ZNF273: variants seen among roughly 807,000 people sequenced by gnomAD.
ZNF273 encodes zinc finger protein 9.
In ZNF273, 11 loss-of-function variants were observed where a neutral mutation model predicts 14.9. The observed-to-expected ratio is 0.74, with a 90% CI of 0.46 to 1.22. The LOEUF is 1.22. ZNF273 is among the 50% of genes most tolerant of loss of function. The pLI is 0.00. For missense variants in ZNF273, 577 were observed against 660.6 expected (o/e 0.87, Z 1.39); for synonymous variants, 199 against 223.9 (o/e 0.89, Z 0.99).
intron 1 of ZNF273, among the ~76,000 whole-genome samples, chr7:64,910,487 G>A (rs1562958172): frequency 6.6e-6 from 1 of 152,062 alleles, no homozygotes; most frequent in South Asian, 2.1e-4. Flanking sequence ...TAGGTGTGTG[G>A]CATTATTTCT....
intron 1 of ZNF273, 66 bp from the exon 2 acceptor site, chr7:64,917,515 A>T (rs553808098): frequency 1.9e-6 from 3 of 1,556,508 alleles, no homozygotes; most frequent in Non-Finnish European, 1.7e-6. Flanking sequence ...TTCCACCTTG[A>T]GTCAAATTAA....
rs1294198253 is a variant in ZNF273, at chr7:64,903,436, C to A, written c.102+17C>A. 4 of 1,603,304 alleles carry A rather than the reference C, an allele frequency of 2.5e-6. No individual in the cohort carries two copies. In the South Asian group the frequency reaches 4.4e-5, roughly 18 times the overall value. On this transcript the variant is annotated intron_variant, in intron 1 of 3. Coordinates refer to ENST00000476120, the MANE Select transcript of ZNF273 (RefSeq NM_021148.3). ...CTAGAAATGGTGAGAGTGCCGGGTCCCAGATCCCGAGAGAGGGGGAGGGCC... is the reference window on the plus strand; with the variant it reads ...CTAGAAATGGTGAGAGTGCCGGGTCACAGATCCCGAGAGAGGGGGAGGGCC...
downstream of ZNF273, among the ~76,000 whole-genome samples, chr7:64,881,292 A>G (rs1024367567): frequency 3.3e-5 from 5 of 152,060 alleles, no homozygotes; most frequent in African/African-American, 1.2e-4. Flanking sequence ...CCTGACTTCC[A>G]TGTTTCTCGT....
chr7:64,883,073 T>G (rs1562946457), downstream of ZNF273, among the ~76,000 whole-genome samples: 1 of 152,160 alleles, frequency 6.6e-6, no homozygotes, highest in South Asian at 2.1e-4. Context: ...TTTCTTTTTT[T>G]TCCGAGTGGC....
At chr7:64,895,857 C>A (rs529041574) in intron 3 of ZNF273, among the ~76,000 whole-genome samples, 1 of 152,112 alleles carries the variant, frequency 6.6e-6, no homozygotes, top group East Asian at 1.9e-4. Flanking sequence ...ATTTTTATAA[C>A]CTTACACCAC....
downstream of ZNF273, among the ~76,000 whole-genome samples, chr7:64,935,848 G>C (rs1255635037): frequency 6.6e-6 from 1 of 151,840 alleles, no homozygotes; most frequent in African/African-American, 2.4e-5. Context: ...AGTTTAACAA[G>C]ATAAAAGTAA....
At chr7:64,888,269 T>G in intron 1 of ZNF273, 1 of 984,382 alleles carries the variant, frequency 1.0e-6, no homozygotes, top group Non-Finnish European at 1.2e-6. Context: ...CAGATGTCCC[T>G]GTCTCTATGG....
chr7:64,895,645 A>T (rs1792324294), intron 3 of ZNF273, among the ~76,000 whole-genome samples: 1 of 152,246 alleles, frequency 6.6e-6, no homozygotes, highest in African/African-American at 2.4e-5. Flanking sequence ...ATACAGATGG[A>T]TGTGGCTCAA....
chr7:64,880,770 A>G (rs1433391384), downstream of ZNF273, among the ~76,000 whole-genome samples: 1 of 152,086 alleles, frequency 6.6e-6, no homozygotes, highest in Non-Finnish European at 1.5e-5. Flanking sequence ...GGAGCACACT[A>G]CACCCAAGAA....
downstream of ZNF273, among the ~76,000 whole-genome samples, chr7:64,891,596 G>A (rs1041081459): frequency 5.3e-5 from 8 of 152,166 alleles, no homozygotes; most frequent in African/African-American, 1.9e-4. Context: ...AATTTCTCTG[G>A]TGCCAGCTGG....
intron 1 of ZNF273, among the ~76,000 whole-genome samples, chr7:64,887,210 G>C (rs913636337): frequency 6.6e-6 from 1 of 152,232 alleles, no homozygotes; most frequent in Non-Finnish European, 1.5e-5. Flanking sequence ...GCCATGCTGT[G>C]AATGTGTGCA....
upstream of ZNF273, among the ~76,000 whole-genome samples, chr7:64,899,234 T>C (rs1448305342): frequency 1.3e-5 from 2 of 152,264 alleles, no homozygotes; most frequent in Admixed American, 1.3e-4. Flanking sequence ...TCAGAAAACA[T>C]GGCAATTATG....
At chr7:64,887,422 T>C (rs1007785555) in intron 1 of ZNF273, among the ~76,000 whole-genome samples, 2 of 152,208 alleles carry the variant, frequency 1.3e-5, no homozygotes, top group Non-Finnish European at 2.9e-5. Flanking sequence ...ACCTGTCTTC[T>C]GGTAGTTTGG....
chr7:64,922,685 GTTA>G (rs1794556198), intron 3 of ZNF273, among the ~76,000 whole-genome samples: 1 of 149,824 alleles, frequency 6.7e-6, no homozygotes, highest in Admixed American at 6.7e-5. Context: ...CTGGGATCAG[GTTA>G]TTAGTCCATG....
At chr7:64,893,688 C>CCCCT, downstream of ZNF273, 1 of 5,094 alleles carries the variant, frequency 2.0e-4, no homozygotes, top group Admixed American at 3.5e-3. Context: ...CCCCTCCCCT[C>CCCCT]CCCCTCCCCT....
At chr7:64,917,560 T>TTG (rs761615627) in intron 1 of ZNF273, 21 bp from the exon 2 acceptor site, 23 of 1,584,692 alleles carry the variant, frequency 1.5e-5, no homozygotes, top group Admixed American at 6.8e-5. Flanking sequence ...AAATATGTTT[T>TTG]TGTGTGTGTG....
At chr7:64,894,594 A>AC (rs1000148153), downstream of ZNF273, among the ~76,000 whole-genome samples, 10 of 147,110 alleles carry the variant, frequency 6.8e-5, no homozygotes, top group African/African-American at 2.6e-4. Context: ...ACAACAGTAA[A>AC]AAAAAAAAAA....
upstream of ZNF273, among the ~76,000 whole-genome samples, chr7:64,902,528 A>G (rs1792791523): frequency 6.6e-6 from 1 of 152,164 alleles, no homozygotes; most frequent in Non-Finnish European, 1.5e-5. Flanking sequence ...TCAGGAGTTC[A>G]AGACCAGCCT....
downstream of ZNF273, chr7:64,931,017 C>G (rs1794981251): frequency 1.3e-5 from 2 of 152,064 alleles, no homozygotes; most frequent in Admixed American, 6.5e-5. Context: ...TTTCTTCTAA[C>G]ATGTGGCCTC....
Sources: gnomAD v4.1 joint callset for allele counts (sites outside exome capture counted in the v4.1 genomes callset) on GRCh38, gnomAD v4.1.1 for gene constraint, MANE v1.5 for transcripts, NCBI Gene and HGNC (gene_info 2026-07-23, HGNC 2026-07-21) for gene names.